The following KCNN2 variants were observed in gnomAD, a reference collection of about 807,000 sequenced individuals.
The protein encoded by KCNN2 is small conductance calcium-activated potassium channel protein 2.
A neutral mutation model predicts 55.5 loss-of-function variants in KCNN2; 24 were observed. The ratio of observed to expected loss-of-function variants is 0.43; its 90% confidence interval spans 0.31 to 0.61. The LOEUF (loss-of-function observed/expected upper bound fraction) is 0.61. Ranked by LOEUF, KCNN2 falls within the 20% of genes least tolerant of loss-of-function variation. The probability of loss-of-function intolerance (pLI) is 0.08; values close to 1 mark genes in which losing one functional copy is unlikely to be tolerated. For missense variants in KCNN2, 754 were observed against 853.6 expected (o/e 0.88, Z 1.45); for synonymous variants, 431 against 336.1 (o/e 1.28, Z -3.09).
chr5:114,461,484 C>G (rs965539678), intron 3 of KCNN2, among the ~76,000 whole-genome samples: 11 of 152,128 alleles, frequency 7.2e-5, no homozygotes, highest in African/African-American at 4.8e-5. Flanking sequence ...TGCCCTTTCT[C>G]TGGGGTTCCA....
chr5:114,162,067 G>A (rs1752798113), intron 1 of KCNN2, among the ~76,000 whole-genome samples: 1 of 152,218 alleles, frequency 6.6e-6, no homozygotes, highest in African/African-American at 2.4e-5. Flanking sequence ...CTTTGGAGGA[G>A]GAGGGGTGCT....
chr5:114,187,758 G>A (rs144188388), intron 1 of KCNN2, among the ~76,000 whole-genome samples: 4,499 of 151,444 alleles, frequency 0.03, 231 homozygotes, highest in African/African-American at 0.1. Flanking sequence ...CACCCGCCTC[G>A]GCCTCCCAAA....
intron 5 of KCNN2, 155 bp from the exon 6 acceptor site, chr5:114,486,895 A>C (rs1474596346): frequency 1.8e-6 from 2 of 1,139,710 alleles, no homozygotes; most frequent in Non-Finnish European, 2.5e-6. Flanking sequence ...ACTTCTAAAA[A>C]GGCATAGATT....
At chr5:114,374,261 C>T (rs1381355826) in intron 2 of KCNN2, among the ~76,000 whole-genome samples, 1 of 152,062 alleles carries the variant, frequency 6.6e-6, no homozygotes, top group East Asian at 1.9e-4. Context: ...TGAAGCACTC[C>T]TAAAAGTAAG....
At chr5:114,076,943 C>T (rs570851605) in intron 1 of KCNN2, among the ~76,000 whole-genome samples, 1 of 152,316 alleles carries the variant, frequency 6.6e-6, no homozygotes, top group African/African-American at 2.4e-5. Flanking sequence ...GATCCACCCA[C>T]CTCGGCCTCC....
intron 2 of KCNN2, among the ~76,000 whole-genome samples, chr5:114,288,495 T>C (rs932367679): frequency 0.032 from 2,385 of 75,226 alleles, 21 homozygotes; most frequent in African/African-American, 0.042. Flanking sequence ...TTTATATATA[T>C]ATATACACAC....
intron 2 of KCNN2, among the ~76,000 whole-genome samples, chr5:114,329,464 A>C (rs547854920): frequency 6.6e-6 from 1 of 152,172 alleles, no homozygotes; most frequent in East Asian, 1.9e-4. Context: ...TCTTTCTCCC[A>C]TGCTGGTTGC....
At chr5:114,112,739 C>G (rs913301229) in intron 1 of KCNN2, among the ~76,000 whole-genome samples, 11 of 151,932 alleles carry the variant, frequency 7.2e-5, no homozygotes, top group Non-Finnish European at 1.5e-4. Context: ...CAGGAAGTAT[C>G]TATATTAAAT....
At chr5:114,235,582 T>C (rs1754473693) in intron 2 of KCNN2, among the ~76,000 whole-genome samples, 1 of 152,196 alleles carries the variant, frequency 6.6e-6, no homozygotes, top group Non-Finnish European at 1.5e-5. Context: ...AAACTATCCA[T>C]TTATATTACC....
At chr5:114,449,422 A>T (rs79981188) in intron 3 of KCNN2, among the ~76,000 whole-genome samples, 2,098 of 152,214 alleles carry the variant, frequency 0.014, 47 homozygotes, top group African/African-American at 0.047. Context: ...CTTTGTATCT[A>T]CTTTTACGTA....
At chr5:114,172,185 C>T (rs957811926) in intron 1 of KCNN2, among the ~76,000 whole-genome samples, 1 of 151,878 alleles carries the variant, frequency 6.6e-6, no homozygotes, top group Non-Finnish European at 1.5e-5. Context: ...CCAGTTTACA[C>T]CACAAAGTGA....
chr5:114,377,465 A>G (rs147528402), intron 2 of KCNN2, among the ~76,000 whole-genome samples: 3 of 152,294 alleles, frequency 2.0e-5, no homozygotes, highest in Admixed American at 6.5e-5. Flanking sequence ...ATGTTGAATG[A>G]TAAAAGCTTG....
intron 3 of KCNN2, among the ~76,000 whole-genome samples, chr5:114,424,984 G>C (rs946458141): frequency 3.7e-4 from 57 of 152,262 alleles, no homozygotes; most frequent in African/African-American, 1.3e-3. Flanking sequence ...ATATAATGGG[G>C]GAAGAAGAAA....
chr5:114,381,306 C>A (rs546303116), intron 2 of KCNN2, among the ~76,000 whole-genome samples: 1 of 152,110 alleles, frequency 6.6e-6, no homozygotes, highest in African/African-American at 2.4e-5. Context: ...AGTCAGAGAT[C>A]ATTGGTTGAA....
rs1303919309 is a variant in KCNN2, at chr5:114,496,229, T to C, written c.*47T>C. 5 of 1,585,904 alleles carry C rather than the reference T, an allele frequency of 3.2e-6. No homozygotes were observed. Among genetic ancestry groups the C allele is most frequent in the Non-Finnish European group, 4.3e-6 (5 of 1,162,220 alleles). On this transcript the variant is annotated 3_prime_UTR_variant, in exon 8 of 8. Coordinates refer to ENST00000673685, the MANE Select transcript of KCNN2 (RefSeq NM_021614.4). ...AATAAGACTTTTTGCCATCATATGG[T>C]CAATATTTTAGCTTTTATTGTAAAG...
chr5:114,105,572 A>T (rs879455150), intron 1 of KCNN2, among the ~76,000 whole-genome samples: 4 of 152,110 alleles, frequency 2.6e-5, no homozygotes, highest in Non-Finnish European at 4.4e-5. Context: ...AACAATGTGT[A>T]TACAATACTG....
At chr5:114,403,847 A>G (rs796519248) in intron 2 of KCNN2, among the ~76,000 whole-genome samples, 2 of 152,356 alleles carry the variant, frequency 1.3e-5, no homozygotes, top group African/African-American at 2.4e-5. Flanking sequence ...AGGGAAGGCT[A>G]TGGACGAATA....
At chr5:114,068,220 G>T (rs1750490528) in intron 1 of KCNN2, among the ~76,000 whole-genome samples, 1 of 152,130 alleles carries the variant, frequency 6.6e-6, no homozygotes, top group Non-Finnish European at 1.5e-5. Flanking sequence ...TAGCCTCAAG[G>T]TTAGAGGTCA....
intron 1 of KCNN2, among the ~76,000 whole-genome samples, chr5:114,159,105 T>G (rs1266159187): frequency 6.6e-6 from 1 of 152,166 alleles, no homozygotes; most frequent in Non-Finnish European, 1.5e-5. Context: ...ATGCTTTCGG[T>G]TTTTGTCCAT....
Sources: gnomAD v4.1 joint callset for allele counts (sites outside exome capture counted in the v4.1 genomes callset) on GRCh38, gnomAD v4.1.1 for gene constraint, MANE v1.5 for transcripts, NCBI Gene and HGNC (gene_info 2026-07-23, HGNC 2026-07-21) for gene names.